Variants in PARK7 observed in about 807,000 individuals in gnomAD.
PARK7 encodes the protein Parkinsonism associated deglycase, also known as Parkinson disease protein 7.
PARK7 carries 14 observed loss-of-function variants against 20.5 expected under a neutral mutation model. That is an observed-to-expected ratio of 0.68 (90% confidence interval 0.45 to 1.07). PARK7 has a LOEUF of 1.07. Among genes scored for constraint, PARK7 ranks in the 50% least tolerant of loss-of-function variants. The pLI is 0.00. For synonymous variants in PARK7, 98 were observed against 84.3 expected, an observed-to-expected ratio of 1.16 and a Z score of -0.89; for missense variants, 234 against 238.1, an observed-to-expected ratio of 0.98 and a Z score of 0.11.
intron 1 of PARK7, among the ~76,000 whole-genome samples, 157 bp from the exon 2 acceptor site, chr1:7,962,606 A>G (rs1377072670): frequency 6.6e-6 from 1 of 152,164 alleles, no homozygotes; most frequent in East Asian, 1.9e-4. Context: ...CGTTAAGATA[A>G]CTAAACTGCT....
At chr1:7,964,806 A>G (rs1640291205) in intron 2 of PARK7, among the ~76,000 whole-genome samples, 1 of 152,198 alleles carries the variant, frequency 6.6e-6, no homozygotes, top group Non-Finnish European at 1.5e-5. Flanking sequence ...TCTATTTTAC[A>G]AAAATACCAT....
chr1:7,982,128 C>T (rs1640725281), intron 6 of PARK7, among the ~76,000 whole-genome samples: 1 of 151,472 alleles, frequency 6.6e-6, no homozygotes, highest in Non-Finnish European at 1.5e-5. Flanking sequence ...GTACTGGCCG[C>T]CAGGCCCAGC....
chr1:7,963,538 C>T (rs1042362707), intron 2 of PARK7, among the ~76,000 whole-genome samples: 4 of 151,682 alleles, frequency 2.6e-5, no homozygotes, highest in African/African-American at 4.8e-5. Flanking sequence ...CCACCACGCC[C>T]GGCTAATTGT....
At chr1:7,965,606 G>T (rs1267200045) in intron 3 of PARK7, among the ~76,000 whole-genome samples, 181 bp downstream of exon 3, 1 of 152,164 alleles carries the variant, frequency 6.6e-6, no homozygotes, top group African/African-American at 2.4e-5. Context: ...TGTGGCAATT[G>T]CTTGATACAG....
chr1:7,962,201 A>AG (rs560138437), intron 1 of PARK7: 122 of 153,610 alleles, frequency 7.9e-4, no homozygotes, highest in Non-Finnish European at 1.4e-3. Context: ...GACTTCAGTG[A>AG]GGGGATTTCC....
At chr1:7,963,062 A>G (rs986574529) in intron 2 of PARK7, among the ~76,000 whole-genome samples, 187 bp downstream of exon 2, 1 of 152,062 alleles carries the variant, frequency 6.6e-6, no homozygotes, top group African/African-American at 2.4e-5. Context: ...GTCTTGCCAT[A>G]TTTCCTTCAG....
intron 5 of PARK7, 94 bp downstream of exon 5, chr1:7,971,057 T>TGCTTTATGAAGGGG: frequency 3.7e-6 from 5 of 1,348,380 alleles, no homozygotes; most frequent in Non-Finnish European, 5.3e-6. Context: ...TTCCCCTTCA[T>TGCTTTATGAAGGGG]AAAGCATGCA....
intron 5 of PARK7, among the ~76,000 whole-genome samples, chr1:7,976,752 G>C (rs1229650750): frequency 6.6e-6 from 1 of 152,028 alleles, no homozygotes; most frequent in African/African-American, 2.4e-5. Context: ...ACAGAGTCTC[G>C]CTCTGTCGCC....
At chr1:7,976,203 C>T (rs1640581052) in intron 5 of PARK7, among the ~76,000 whole-genome samples, 1 of 152,104 alleles carries the variant, frequency 6.6e-6, no homozygotes, top group Admixed American at 6.6e-5. Context: ...ACAAACTGTG[C>T]CACAGGATCT....
At chr1:7,971,103 T>C (rs1640457118) in intron 5 of PARK7, 140 bp downstream of exon 5, 1 of 879,818 alleles carries the variant, frequency 1.1e-6, no homozygotes, top group Admixed American at 2.0e-5. Context: ...TTGGGTGGCA[T>C]GAAGTTGGTG....
intron 6 of PARK7, among the ~76,000 whole-genome samples, chr1:7,980,487 G>A (rs1427050881): frequency 2.0e-5 from 3 of 152,184 alleles, no homozygotes; most frequent in African/African-American, 7.2e-5. Context: ...TATCTTGGTG[G>A]AGCTTCCTGG....
At chr1:7,963,009 TA>T in intron 2 of PARK7, 134 bp downstream of exon 2, 1 of 753,296 alleles carries the variant, frequency 1.3e-6, no homozygotes, top group South Asian at 1.5e-5. Context: ...GACATAAGAA[TA>T]AATACCTGTT....
chr1:7,966,505 G>A (rs1242125652), intron 3 of PARK7, among the ~76,000 whole-genome samples: 2 of 151,918 alleles, frequency 1.3e-5, no homozygotes, highest in East Asian at 1.9e-4. Flanking sequence ...AGACCAGCCT[G>A]GGCAACATAG....
chr1:7,985,086 C>T lies in PARK7; in HGVS notation c.*32C>T. ...GAACTGCGACGATCACTTAGAGAAA[C>T]AGGCCGTTAGGAATCCATTCTCACT... On this transcript the variant is annotated 3_prime_UTR_variant, in exon 7 of 7. Coordinates refer to ENST00000338639, the MANE Select transcript of PARK7 (RefSeq NM_007262.5). 5 of 1,607,988 alleles carry T rather than the reference C, an allele frequency of 3.1e-6. No homozygotes were observed. Among genetic ancestry groups the T allele is most frequent in the Non-Finnish European group, 4.2e-6 (5 of 1,177,460 alleles).
intron 5 of PARK7, among the ~76,000 whole-genome samples, chr1:7,973,689 G>A (rs1640510880): frequency 6.6e-6 from 1 of 151,384 alleles, no homozygotes; most frequent in African/African-American, 2.4e-5. Context: ...ACTCCAGCCT[G>A]GGCAACAAGA....
At chr1:7,977,153 G>A (rs1279381009) in intron 5 of PARK7, among the ~76,000 whole-genome samples, 1 of 152,130 alleles carries the variant, frequency 6.6e-6, no homozygotes, top group Non-Finnish European at 1.5e-5. Flanking sequence ...AGTTGAGCCC[G>A]CCCCAGTGAT....
At chr1:7,965,245 TTTTTC>T (rs1201554469) in intron 2 of PARK7, 74 bp from the exon 3 acceptor site, 49 of 1,363,306 alleles carry the variant, frequency 3.6e-5, no homozygotes, top group Non-Finnish European at 5.0e-5. Flanking sequence ...CCATCTCTCT[TTTTTC>T]TTTTTTTTTA....
chr1:7,977,403 T>C (rs1640606259), intron 5 of PARK7, among the ~76,000 whole-genome samples: 1 of 152,254 alleles, frequency 6.6e-6, no homozygotes, highest in South Asian at 2.1e-4. Flanking sequence ...TTCAGAATCG[T>C]AGCTGTATGT....
chr1:7,963,831 T>C (rs1038919385), intron 2 of PARK7, among the ~76,000 whole-genome samples: 2 of 151,936 alleles, frequency 1.3e-5, no homozygotes, highest in African/African-American at 4.8e-5. Context: ...TTTTTTTTTT[T>C]TTTAAGACAG....
Sources: gnomAD v4.1 joint callset for allele counts (sites outside exome capture counted in the v4.1 genomes callset) on GRCh38, gnomAD v4.1.1 for gene constraint, MANE v1.5 for transcripts, NCBI Gene and HGNC (gene_info 2026-07-23, HGNC 2026-07-21) for gene names.